Variants in CTNNA3 observed in about 807,000 individuals in gnomAD.
CTNNA3 encodes the protein catenin alpha-3.
CTNNA3 carries 76 observed loss-of-function variants against 95.7 expected under a neutral mutation model. The ratio of observed to expected loss-of-function variants is 0.79; its 90% CI spans 0.66 to 0.96. The LOEUF (loss-of-function observed/expected upper bound fraction) is 0.96. CTNNA3 is among the 40% of genes least tolerant of loss of function. The pLI, the probability that CTNNA3 is intolerant of heterozygous loss-of-function variation, is 0.00. For missense variants in CTNNA3, 1,191 were observed against 1,089.8 expected, an observed-to-expected ratio of 1.09 and a Z score of -1.31; for synonymous variants, 431 against 374.4, an observed-to-expected ratio of 1.15 and a Z score of -1.74.
At chr10:66,545,907 T>G (rs957668645) in intron 10 of CTNNA3, among the ~76,000 whole-genome samples, 2 of 150,862 alleles carry the variant, frequency 1.3e-5, no homozygotes, top group African/African-American at 4.8e-5. Context: ...TCTACAAACA[T>G]ATACGTATGT....
intron 3 of CTNNA3, among the ~76,000 whole-genome samples, chr10:67,593,785 C>A (rs991242658): frequency 1.3e-5 from 2 of 151,984 alleles, no homozygotes; most frequent in African/African-American, 4.8e-5. Flanking sequence ...GCTAGGACTT[C>A]CAGTACTATG....
Position 65,916,769 on chromosome 10 carries a change from T to C in CTNNA3, c.*3561A>G, listed in dbSNP as rs573781925. ...AATTTGCTGTGATGGGCAGTCCTGA[T>C]TGCACTATTTTGGTAGGAAATTGTT... is the stretch of plus-strand genomic sequence containing the variant. On this transcript the variant is annotated 3_prime_UTR_variant, in exon 18 of 18. Transcript: ENST00000433211. The C allele has an allele frequency of 9.7e-4, 147 of 152,230 alleles. No homozygotes were observed. The highest frequency in any genetic ancestry group is 3.4e-3 in the African/African-American group (140 of 41,538). 9.4% of individuals were successfully genotyped at this position (152,230 alleles called of 1,614,324 possible).
chr10:67,448,817 A>T (rs1031376294), intron 5 of CTNNA3, among the ~76,000 whole-genome samples: 2 of 148,846 alleles, frequency 1.3e-5, no homozygotes, highest in African/African-American at 2.4e-5. Context: ...TATTATAGAT[A>T]TATAATTGTT....
chr10:66,593,503 A>G (rs938716355), intron 10 of CTNNA3, among the ~76,000 whole-genome samples: 1 of 152,072 alleles, frequency 6.6e-6, no homozygotes, highest in African/African-American at 2.4e-5. Flanking sequence ...TAGGGCCTCA[A>G]TATTTGCATT....
intron 11 of CTNNA3, among the ~76,000 whole-genome samples, chr10:66,460,723 C>T (rs528095974): frequency 1.3e-5 from 2 of 152,282 alleles, no homozygotes; most frequent in East Asian, 3.9e-4. Flanking sequence ...TCATCTCTCA[C>T]TTACCAACTA....
intron 16 of CTNNA3, among the ~76,000 whole-genome samples, chr10:65,985,089 T>C (rs2078400924): frequency 6.6e-6 from 1 of 151,236 alleles, no homozygotes. Context: ...TTATAATTAG[T>C]CTTTATTTGT....
intron 1 of CTNNA3, among the ~76,000 whole-genome samples, chr10:67,666,984 A>C (rs1348238312): frequency 3.3e-5 from 5 of 152,168 alleles, no homozygotes; most frequent in African/African-American, 1.2e-4. Context: ...AATGAACAAC[A>C]ATCTTACATA....
intron 7 of CTNNA3, among the ~76,000 whole-genome samples, chr10:66,981,397 T>C (rs1850434016): frequency 6.6e-6 from 1 of 152,228 alleles, no homozygotes; most frequent in Admixed American, 6.5e-5. Context: ...CATTCTGCAC[T>C]CTTCTGGATT....
chr10:66,787,317 T>C (rs1458710112), intron 7 of CTNNA3, among the ~76,000 whole-genome samples: 1 of 148,942 alleles, frequency 6.7e-6, no homozygotes, highest in Non-Finnish European at 1.5e-5. Flanking sequence ...CGGTGGTATT[T>C]CCCTACAGGA....
intron 13 of CTNNA3, among the ~76,000 whole-genome samples, chr10:66,262,228 G>A (rs1564822726): frequency 6.6e-6 from 1 of 151,930 alleles, no homozygotes; most frequent in Non-Finnish European, 1.5e-5. Flanking sequence ...TTTTGAGATA[G>A]GCAATTTTTC....
intron 13 of CTNNA3, among the ~76,000 whole-genome samples, chr10:66,249,379 A>G (rs561643600): frequency 6.6e-6 from 1 of 152,328 alleles, no homozygotes; most frequent in East Asian, 1.9e-4. Flanking sequence ...CCCCCCTGAG[A>G]AAGGATTAAT....
intron 11 of CTNNA3, among the ~76,000 whole-genome samples, chr10:66,479,904 T>G (rs1358746433): frequency 6.6e-6 from 1 of 150,782 alleles, no homozygotes; most frequent in Non-Finnish European, 1.5e-5. Flanking sequence ...CATCAAGAGA[T>G]CAACAGAAAG....
At chr10:66,055,962 C>A (rs992331143) in intron 15 of CTNNA3, among the ~76,000 whole-genome samples, 4 of 146,816 alleles carry the variant, frequency 2.7e-5, no homozygotes, top group African/African-American at 9.9e-5. Context: ...ATCATATCAT[C>A]TGCAAGCAAG....
chr10:65,995,667 G>T (rs998937417), intron 15 of CTNNA3, among the ~76,000 whole-genome samples: 2 of 152,224 alleles, frequency 1.3e-5, no homozygotes, highest in Non-Finnish European at 2.9e-5. Flanking sequence ...ATTGGGCCAT[G>T]TGGTTCATTA....
At chr10:66,328,911 C>CATATATATATATATATATCTAT (rs2092289656) in intron 12 of CTNNA3, among the ~76,000 whole-genome samples, 1 of 86,492 alleles carries the variant, frequency 1.2e-5, no homozygotes, top group Non-Finnish European at 2.5e-5. Flanking sequence ...CACATATATA[C>CATATATATATATATATATCTAT]ATATATATAT....
chr10:66,255,495 A>G (rs1403725315), intron 13 of CTNNA3, among the ~76,000 whole-genome samples: 1 of 152,154 alleles, frequency 6.6e-6, no homozygotes, highest in African/African-American at 2.4e-5. Flanking sequence ...TTACATAAAA[A>G]TTGCATAATC....
chr10:67,605,910 A>G (rs1428959633), intron 3 of CTNNA3, among the ~76,000 whole-genome samples: 4 of 152,200 alleles, frequency 2.6e-5, no homozygotes, highest in Non-Finnish European at 5.9e-5. Flanking sequence ...ACCTCAGGCA[A>G]TCCACCTGCC....
At chr10:67,082,532 T>G (rs954723779) in intron 7 of CTNNA3, among the ~76,000 whole-genome samples, 1 of 152,162 alleles carries the variant, frequency 6.6e-6, no homozygotes, top group Non-Finnish European at 1.5e-5. Context: ...TAGTAAGAAG[T>G]TGAGAATCAC....
At chr10:66,632,352 G>A (rs1039819290) in intron 9 of CTNNA3, among the ~76,000 whole-genome samples, 12 of 151,998 alleles carry the variant, frequency 7.9e-5, no homozygotes, top group African/African-American at 2.7e-4. Context: ...TCAAGAGTTT[G>A]AGACCAGCCT....
Sources: gnomAD v4.1 joint callset for allele counts (sites outside exome capture counted in the v4.1 genomes callset) on GRCh38, gnomAD v4.1.1 for gene constraint, MANE v1.5 for transcripts, NCBI Gene and HGNC (gene_info 2026-07-23, HGNC 2026-07-21) for gene names.